Variants in CACNA2D2 observed in about 807,000 individuals in gnomAD.
The protein encoded by CACNA2D2 is voltage-dependent calcium channel subunit alpha-2/delta-2.
Under a neutral mutation model 166.4 loss-of-function variants are expected in CACNA2D2, and 48 were observed. That is an observed-to-expected ratio of 0.29 (90% CI 0.23 to 0.37). The LOEUF is 0.37. Among genes scored for constraint, CACNA2D2 ranks in the 10% least tolerant of loss-of-function variants. The pLI is 1.00. For missense variants in CACNA2D2, 1,122 were observed against 1,433.0 expected (o/e 0.78, Z 3.50); for synonymous variants, 561 against 573.7 (o/e 0.98, Z 0.32).
At chr3:50,495,660 G>A (rs1237948957) in intron 1 of CACNA2D2, among the ~76,000 whole-genome samples, 3 of 152,144 alleles carry the variant, frequency 2.0e-5, no homozygotes, top group Admixed American at 6.5e-5. Flanking sequence ...GTCTTGCTGC[G>A]GGGAGGACCC....
At chr3:50,422,991 C>G (rs1250976421) in intron 3 of CACNA2D2, among the ~76,000 whole-genome samples, 2 of 152,208 alleles carry the variant, frequency 1.3e-5, no homozygotes, top group Non-Finnish European at 1.5e-5. Context: ...AGGTTCCCCC[C>G]AGACCCAGGG....
chr3:50,436,659 C>T (rs1274901144), intron 2 of CACNA2D2, among the ~76,000 whole-genome samples: 1 of 152,230 alleles, frequency 6.6e-6, no homozygotes, highest in African/African-American at 2.4e-5. Context: ...CAAACCCATG[C>T]CTTGAGCAGC....
rs979052919 is a variant in CACNA2D2 at position 50,364,373 on chromosome 3, C to T, written c.*293G>A. 2.5e-5 allele frequency: 10 copies of T among 395,170 alleles called. No individual in the cohort carries two copies. Among genetic ancestry groups the T allele is most frequent in the Non-Finnish European group, 4.1e-5 (9 of 221,886 alleles). 24.5% of individuals were successfully genotyped at this position (395,170 alleles called of 1,614,324 possible). A position where few individuals can be genotyped will look rare whatever the true frequency, so the allele number is the denominator to read the frequency against. On this transcript the variant is annotated 3_prime_UTR_variant, in exon 38 of 38. Transcript: ENST00000424201. The stretch of plus-strand genomic sequence containing the variant: ...GGCAGCAGAGGCCTGGTTTTGGCAC[C>T]AGTGCGTGTGGCCTCCCTGTCCCAT...
intron 3 of CACNA2D2, among the ~76,000 whole-genome samples, chr3:50,431,697 T>C (rs904225703): frequency 6.6e-6 from 1 of 152,052 alleles, no homozygotes; most frequent in African/African-American, 2.4e-5. Context: ...TAAAAAATAA[T>C]TTCTGGGCCA....
chr3:50,428,845 G>A (rs1333494824), intron 3 of CACNA2D2, among the ~76,000 whole-genome samples: 2 of 152,212 alleles, frequency 1.3e-5, no homozygotes, highest in Non-Finnish European at 2.9e-5. Context: ...ACTCTGGACA[G>A]CAAACACCAC....
intron 4 of CACNA2D2, among the ~76,000 whole-genome samples, chr3:50,390,657 C>G (rs966756578): frequency 6.6e-6 from 1 of 152,162 alleles, no homozygotes; most frequent in Non-Finnish European, 1.5e-5. Flanking sequence ...CACACACATG[C>G]CCTCCCATGT....
chr3:50,466,603 C>G (rs767030084), intron 2 of CACNA2D2, among the ~76,000 whole-genome samples: 13 of 152,232 alleles, frequency 8.5e-5, no homozygotes, highest in Non-Finnish European at 1.8e-4. Flanking sequence ...GCTCACATTC[C>G]CCATGCAGCA....
chr3:50,412,154 G>A (rs1051392565), intron 3 of CACNA2D2, among the ~76,000 whole-genome samples: 2 of 152,190 alleles, frequency 1.3e-5, no homozygotes, highest in Non-Finnish European at 2.9e-5. Flanking sequence ...CTCATATTCT[G>A]CAATTTTACT....
intron 2 of CACNA2D2, among the ~76,000 whole-genome samples, chr3:50,446,556 G>A (rs1001098195): frequency 6.6e-6 from 1 of 152,152 alleles, no homozygotes; most frequent in Non-Finnish European, 1.5e-5. Flanking sequence ...CACTCTGACT[G>A]CCCCCTTGGC....
chr3:50,450,814 G>A (rs1709063033), intron 2 of CACNA2D2, among the ~76,000 whole-genome samples: 2 of 152,086 alleles, frequency 1.3e-5, no homozygotes, highest in African/African-American at 2.4e-5. Flanking sequence ...GACGCCCGCC[G>A]ACGTCACACC....
At chr3:50,410,680 G>T (rs552974838) in intron 3 of CACNA2D2, among the ~76,000 whole-genome samples, 1 of 152,334 alleles carries the variant, frequency 6.6e-6, no homozygotes, top group South Asian at 2.1e-4. Context: ...TCCGCTGCAG[G>T]ACTCCTCCAA....
intron 1 of CACNA2D2, among the ~76,000 whole-genome samples, chr3:50,478,296 T>G (rs1347997133): frequency 6.6e-6 from 1 of 152,194 alleles, no homozygotes; most frequent in Non-Finnish European, 1.5e-5. Flanking sequence ...CACCAGGGCC[T>G]GGTTGTGGGT....
Position 50,408,626 on chromosome 3 carries a change from G to A in CACNA2D2, c.406-14458C>T, listed in dbSNP as rs747897206. On this transcript the variant is annotated intron_variant, in intron 3 of 37. Transcript: ENST00000424201. ...GGCGGCCAGTGGGACAGCTGGAGCC[G>A]TGGTGACAACATTTAAGGCGTTTGT... Among the ~76,000 whole-genome samples the A allele has an allele frequency of 5.3e-5, 8 of 152,370 alleles. No individual in the cohort carries two copies. The East Asian group carries it at 9.6e-4, about 18-fold the overall frequency.
chr3:50,410,353 C>T (rs1293783713), intron 3 of CACNA2D2, among the ~76,000 whole-genome samples: 1 of 152,222 alleles, frequency 6.6e-6, no homozygotes, highest in Non-Finnish European at 1.5e-5. Context: ...GGTGAAGAAA[C>T]CGAGGCTCTG....
intron 3 of CACNA2D2, among the ~76,000 whole-genome samples, chr3:50,408,522 AG>A (rs1706832256): frequency 6.6e-6 from 1 of 152,228 alleles, no homozygotes. Context: ...GGAAATGCCC[AG>A]GGTAAGAGCT....
rs2106640783 is a variant in CACNA2D2, at chr3:50,375,966, T to A, written c.1770A>T (p.Glu590Asp). 6.2e-7 allele frequency: 1 copy of A among 1,613,280 alleles called. No homozygotes were observed. Among genetic ancestry groups the A allele is most frequent in the African/African-American group, 1.3e-5 (1 of 75,040 alleles). ...LDAELEDENK[E>D]EIRRSMIDGN... ...CCTGTTCTCCTCCTCTCCTTACCTC[T>A]TCCTTGTTCTCATCCTCTAGCTCCG... The change falls in exon 19 of 38, where the codon GAA becomes GAT. Residue 590 changes from glutamate (E) to aspartate (D), a missense_variant. Around this residue, in one of 2 missense-constraint regions of CACNA2D2, gnomAD observed 840 missense variants for 1,166.8 expected, o/e 0.72. Transcript: ENST00000424201. This position sits in a 1 kb window ranked among gnomAD's most constrained non-coding sequence, Gnocchi z 4.0.
chr3:50,364,565 AG>A lies in CACNA2D2; in HGVS notation c.*100del. Reference sequence around the variant, plus strand: ...CCTGGCCAGCTCAGGTCCTTCAGTGAGGGAGGGACGAGGCTCTAAGGCGGGG... The same window carrying A: ...CCTGGCCAGCTCAGGTCCTTCAGTGAGGAGGGACGAGGCTCTAAGGCGGGG... On this transcript the variant is annotated 3_prime_UTR_variant, in exon 38 of 38. Transcript: ENST00000424201. 7.4e-7 allele frequency: 1 copy of A among 1,348,162 alleles called. No individual in the cohort carries two copies. 83.5% of individuals were successfully genotyped at this position (1,348,162 alleles called of 1,614,324 possible).
At chr3:50,495,995 T>A (rs1427412937) in intron 1 of CACNA2D2, among the ~76,000 whole-genome samples, 1 of 152,216 alleles carries the variant, frequency 6.6e-6, no homozygotes, top group Non-Finnish European at 1.5e-5. Context: ...TCACGCCAGT[T>A]GGTAGAAGAT....
Position 50,375,955 on chromosome 3 carries a change from C to G in CACNA2D2, c.1773+8G>C. 1 of 1,613,280 alleles carries G rather than the reference C, an allele frequency of 6.2e-7. No homozygotes were observed. The highest frequency in any genetic ancestry group is 8.5e-7 in the Non-Finnish European group (1 of 1,179,982). The stretch of plus-strand genomic sequence containing the variant: ...TGTCCCCCACCCCTGTTCTCCTCCT[C>G]TCCTTACCTCTTCCTTGTTCTCATC... On this transcript the variant is annotated splice_region_variant and intron_variant, in intron 19 of 37. Coordinates refer to ENST00000424201, the MANE Select transcript of CACNA2D2 (RefSeq NM_006030.4). This position sits in a 1 kb window ranked among gnomAD's most constrained non-coding sequence, Gnocchi z 4.0.
Sources: allele counts gnomAD v4.1 joint callset (sites outside exome capture counted in the v4.1 genomes callset), GRCh38; gene constraint gnomAD v4.1.1; regional missense constraint gnomAD v4.1.1; non-coding constraint Gnocchi (gnomAD v3.1); transcripts MANE v1.5; gene names NCBI Gene and HGNC (gene_info 2026-07-23, HGNC 2026-07-21).